Variants in ADAM22 observed in about 807,000 individuals in gnomAD.
ADAM22 encodes the protein ADAM metallopeptidase domain 22.
ADAM22 carries 65 observed loss-of-function variants against 144.6 expected under a neutral mutation model. The observed-to-expected ratio is 0.45, with a 90% CI of 0.37 to 0.55. ADAM22 has a LOEUF of 0.55. Among genes scored for constraint, ADAM22 ranks in the 20% least tolerant of loss-of-function variants. The pLI is 0.00. For missense variants in ADAM22, 974 were observed against 1,184.9 expected (o/e 0.82, Z 2.61); for synonymous variants, 391 against 412.6 (o/e 0.95, Z 0.63).
At chr7:88,092,194 G>A (rs1240641165) in intron 4 of ADAM22, among the ~76,000 whole-genome samples, 1 of 152,120 alleles carries the variant, frequency 6.6e-6, no homozygotes, top group Non-Finnish European at 1.5e-5. Flanking sequence ...ATGGGCAAGA[G>A]TAACTAAGCT....
chr7:87,992,392 A>T (rs1790121311), intron 3 of ADAM22, among the ~76,000 whole-genome samples: 1 of 152,216 alleles, frequency 6.6e-6, no homozygotes, highest in Admixed American at 6.5e-5. Flanking sequence ...GACTGCACTA[A>T]CAAAGGGGGA....
At chr7:88,056,421 A>C (rs767419642) in intron 3 of ADAM22, among the ~76,000 whole-genome samples, 3 of 152,236 alleles carry the variant, frequency 2.0e-5, no homozygotes, top group Non-Finnish European at 2.9e-5. Context: ...GTAGCTTAAC[A>C]TGAAGCCTTA....
intron 26 of ADAM22, among the ~76,000 whole-genome samples, chr7:88,174,263 C>A (rs532370805): frequency 6.6e-6 from 1 of 152,068 alleles, no homozygotes; most frequent in Non-Finnish European, 1.5e-5. Flanking sequence ...AGCAGACCCA[C>A]GTTTTTTTTC....
chr7:88,069,506 A>G (rs1812180709), intron 3 of ADAM22, among the ~76,000 whole-genome samples: 2 of 152,266 alleles, frequency 1.3e-5, no homozygotes, highest in Non-Finnish European at 2.9e-5. Context: ...AATGATTTCC[A>G]CTTCGCCATT....
chr7:88,058,375 T>C (rs1808855862), intron 3 of ADAM22, among the ~76,000 whole-genome samples: 1 of 152,204 alleles, frequency 6.6e-6, no homozygotes, highest in Admixed American at 6.5e-5. Flanking sequence ...TCTATAAACA[T>C]ATGGAAGAAA....
At chr7:88,179,626 A>C (rs2129537433) in intron 27 of ADAM22, among the ~76,000 whole-genome samples, 1 of 152,094 alleles carries the variant, frequency 6.6e-6, no homozygotes, top group South Asian at 2.1e-4. Flanking sequence ...AGTGTGCTTA[A>C]TTTTGCCTGA....
chr7:88,117,160 C>T (rs1827963795), intron 7 of ADAM22, among the ~76,000 whole-genome samples: 1 of 152,154 alleles, frequency 6.6e-6, no homozygotes, highest in Non-Finnish European at 1.5e-5. Flanking sequence ...TTAATCATTT[C>T]CCTATTTATT....
intron 29 of ADAM22, 28 bp downstream of exon 29, chr7:88,182,052 G>A (rs770851449): frequency 1.3e-6 from 2 of 1,593,678 alleles, no homozygotes; most frequent in East Asian, 2.2e-5. Flanking sequence ...ATGGAAAAAG[G>A]CACTCCAAGG....
intron 22 of ADAM22, among the ~76,000 whole-genome samples, chr7:88,161,725 T>A (rs1446231465): frequency 6.6e-6 from 1 of 152,098 alleles, no homozygotes; most frequent in Non-Finnish European, 1.5e-5. Flanking sequence ...ATATCACTGA[T>A]CATTAGAGAA....
intron 3 of ADAM22, among the ~76,000 whole-genome samples, chr7:88,068,228 G>C (rs2129478120): frequency 6.6e-6 from 1 of 152,240 alleles, no homozygotes; most frequent in East Asian, 1.9e-4. Flanking sequence ...GAGGGATTCA[G>C]AGAATGGAGA....
chr7:88,112,475 T>TA (rs1370378764), intron 5 of ADAM22, among the ~76,000 whole-genome samples: 2 of 152,198 alleles, frequency 1.3e-5, no homozygotes, highest in Admixed American at 6.5e-5. Flanking sequence ...TACCAAAAAC[T>TA]AAAAAATTAC....
chr7:88,032,940 A>C (rs1585137495), intron 3 of ADAM22, among the ~76,000 whole-genome samples: 1 of 152,242 alleles, frequency 6.6e-6, no homozygotes, highest in Non-Finnish European at 1.5e-5. Flanking sequence ...CCTTCCCAGA[A>C]GTAGAAGCCT....
At chr7:88,079,393 T>C (rs1273922170) in intron 4 of ADAM22, among the ~76,000 whole-genome samples, 1 of 152,180 alleles carries the variant, frequency 6.6e-6, no homozygotes, top group East Asian at 1.9e-4. Flanking sequence ...TGCAAAAACA[T>C]GCCAAATTGT....
chr7:87,995,016 G>C (rs1790800920), intron 3 of ADAM22, among the ~76,000 whole-genome samples: 1 of 151,916 alleles, frequency 6.6e-6, no homozygotes, highest in African/African-American at 2.4e-5. Context: ...ATTTTTAGTA[G>C]AGACGGGGTT....
intron 3 of ADAM22, among the ~76,000 whole-genome samples, chr7:88,039,658 G>A (rs1179708322): frequency 1.3e-5 from 2 of 150,246 alleles, no homozygotes; most frequent in Non-Finnish European, 3.0e-5. Flanking sequence ...TGTTTAGTAT[G>A]ACCAGTGGTG....
At position 88,083,913 on chromosome 7, in the gene ADAM22, G is replaced by GA. The variant is rs71687313; in HGVS notation, c.390+8230dup. Among the ~76,000 whole-genome samples, 740 of 150,706 alleles carry GA rather than the reference G, an allele frequency of 4.9e-3. 11 individuals are homozygous for GA. Among genetic ancestry groups the GA allele is most frequent in the African/African-American group, 0.017 (707 of 41,134 alleles). ...ATGGAGCCATTTTGTTTATAGTTGGGAAAAAAAAATTACCTAGGGCTAGAA... is the reference window on the plus strand; with the variant it reads ...ATGGAGCCATTTTGTTTATAGTTGGGAAAAAAAAAATTACCTAGGGCTAGAA... On this transcript the variant is annotated intron_variant, in intron 4 of 31. Transcript: ENST00000413139.
At chr7:87,952,188 A>C (rs2131414028) in intron 2 of ADAM22, among the ~76,000 whole-genome samples, 1 of 151,908 alleles carries the variant, frequency 6.6e-6, no homozygotes, top group East Asian at 1.9e-4. Flanking sequence ...GTTGAATAGG[A>C]GTGGTGAGAG....
intron 3 of ADAM22, among the ~76,000 whole-genome samples, chr7:87,995,005 T>A (rs1349744857): frequency 6.6e-6 from 1 of 152,130 alleles, no homozygotes; most frequent in Non-Finnish European, 1.5e-5. Flanking sequence ...TTTTTTTTTG[T>A]ATTTTTAGTA....
chr7:88,148,148 T>TA (rs1276484938), intron 17 of ADAM22, among the ~76,000 whole-genome samples: 1 of 152,132 alleles, frequency 6.6e-6, no homozygotes, highest in African/African-American at 2.4e-5. Context: ...CTAGAGAAGA[T>TA]AAAGCTTATC....
Sources: gnomAD v4.1 joint callset for allele counts (sites outside exome capture counted in the v4.1 genomes callset) on GRCh38, gnomAD v4.1.1 for gene constraint, MANE v1.5 for transcripts, NCBI Gene and HGNC (gene_info 2026-07-23, HGNC 2026-07-21) for gene names.